Variants in TGFA observed in about 807,000 individuals in gnomAD.
TGFA encodes protransforming growth factor alpha.
TGFA carries 12 observed loss-of-function variants against 21.7 expected under a neutral mutation model. That is an observed-to-expected ratio of 0.55 (90% CI 0.35 to 0.90). The LOEUF (loss-of-function observed/expected upper bound fraction) is 0.90, where lower values mean the gene tolerates loss of function less well. TGFA is among the 40% of genes least tolerant of loss of function. TGFA has a pLI of 0.01. For synonymous variants in TGFA, 79 were observed against 88.1 expected (o/e 0.90, Z 0.58); for missense variants, 178 against 210.8 (o/e 0.84, Z 0.96).
In TGFA at chr2:70,513,034, C is replaced by T. The variant is rs182219457; in HGVS notation, c.94+1825G>A. Among the ~76,000 whole-genome samples, 3 of 152,314 alleles carry T rather than the reference C, an allele frequency of 2.0e-5. No individual in the cohort carries two copies. The East Asian group carries it at 5.8e-4, about 29-fold the overall frequency. Reference sequence around the variant, plus strand: ...CTGGCTTAATCTCAAGGCCTTTATACCTCAGTTCTACCCAATTTGGCTTAG... The same window carrying T: ...CTGGCTTAATCTCAAGGCCTTTATATCTCAGTTCTACCCAATTTGGCTTAG... On this transcript the variant is annotated intron_variant, in intron 2 of 5. Coordinates refer to ENST00000295400, the MANE Select transcript of TGFA (RefSeq NM_003236.4).
At chr2:70,538,398 TGGGTCTG>T (rs1673036412) in intron 1 of TGFA, among the ~76,000 whole-genome samples, 1 of 152,230 alleles carries the variant, frequency 6.6e-6, no homozygotes, top group South Asian at 2.1e-4. Flanking sequence ...ATTCTGCTGA[TGGGTCTG>T]GGTAAAGTAA....
At chr2:70,451,867 C>A in intron 5 of TGFA, 1 of 652,180 alleles carries the variant, frequency 1.5e-6, no homozygotes, top group Admixed American at 2.7e-5. Context: ...CTCAGTTTAC[C>A]CACATCGCTC....
intron 1 of TGFA, among the ~76,000 whole-genome samples, chr2:70,516,725 TG>T (rs2103860503): frequency 6.6e-6 from 1 of 152,274 alleles, no homozygotes; most frequent in African/African-American, 2.4e-5. Flanking sequence ...CCCTTGAAGC[TG>T]GGGAACAGTC....
chr2:70,478,340 G>T (rs1262096129), intron 2 of TGFA, among the ~76,000 whole-genome samples: 1 of 152,184 alleles, frequency 6.6e-6, no homozygotes, highest in Non-Finnish European at 1.5e-5. Flanking sequence ...CAAATATACT[G>T]CATTCTCAAA....
intron 2 of TGFA, among the ~76,000 whole-genome samples, chr2:70,511,035 G>A (rs1350075986): frequency 6.6e-6 from 1 of 152,112 alleles, no homozygotes; most frequent in African/African-American, 2.4e-5. Flanking sequence ...ATGCTCTTTT[G>A]AGCCCATTTA....
At chr2:70,526,638 C>T (rs1223068073) in intron 1 of TGFA, among the ~76,000 whole-genome samples, 1 of 152,130 alleles carries the variant, frequency 6.6e-6, no homozygotes, top group African/African-American at 2.4e-5. Flanking sequence ...TAAAGGAAAA[C>T]AAAAATCCCG....
chr2:70,516,348 G>C (rs1672277930), intron 1 of TGFA, among the ~76,000 whole-genome samples: 1 of 152,212 alleles, frequency 6.6e-6, no homozygotes, highest in Non-Finnish European at 1.5e-5. Flanking sequence ...TGTAGACACA[G>C]AAGTCCTGAC....
intron 2 of TGFA, 84 bp from the exon 3 acceptor site, chr2:70,465,820 G>A: frequency 2.5e-6 from 4 of 1,571,584 alleles, no homozygotes; most frequent in Non-Finnish European, 3.5e-6. Flanking sequence ...AGTCAAGAAG[G>A]TGGAGCCCCT....
chr2:70,525,717 T>G (rs1553502890), intron 1 of TGFA, among the ~76,000 whole-genome samples: 1 of 151,952 alleles, frequency 6.6e-6, no homozygotes, highest in Non-Finnish European at 1.5e-5. Flanking sequence ...GTACTCAGAT[T>G]TACTCCCTTT....
chr2:70,512,392 C>T (rs1040976654), intron 2 of TGFA, among the ~76,000 whole-genome samples: 5 of 152,168 alleles, frequency 3.3e-5, no homozygotes, highest in Non-Finnish European at 5.9e-5. Flanking sequence ...GCAGCCAACC[C>T]GGGGGGCTTG....
At chr2:70,486,486 C>CTT (rs61448010) in intron 2 of TGFA, among the ~76,000 whole-genome samples, 1 of 151,250 alleles carries the variant, frequency 6.6e-6, no homozygotes, top group African/African-American at 2.4e-5. Flanking sequence ...TGTTGTTTGT[C>CTT]TTTTTTTTTG....
rs560971084 is a variant in TGFA at position 70,520,220 on chromosome 2, A to C, written c.41-5308T>G. 2.0e-5 allele frequency among the ~76,000 whole-genome samples: 3 copies of C among 152,286 alleles called. No homozygotes were observed. In the East Asian group the frequency reaches 5.8e-4, roughly 29 times the overall value. On this transcript the variant is annotated intron_variant, in intron 1 of 5. Transcript: ENST00000295400. ...GGAAATCACTAAGGGAACTTCAACG[A>C]AGGGTTTTACTTGAGGCCCCGGGGT...
intron 1 of TGFA, among the ~76,000 whole-genome samples, chr2:70,526,415 A>C (rs1553502995): frequency 6.6e-6 from 1 of 152,176 alleles, no homozygotes; most frequent in Non-Finnish European, 1.5e-5. Flanking sequence ...CCAGATTTTA[A>C]GGCCCCTAAT....
intron 3 of TGFA, 41 bp from the exon 4 acceptor site, chr2:70,456,529 G>T: frequency 6.4e-7 from 1 of 1,564,112 alleles, no homozygotes; most frequent in Non-Finnish European, 8.7e-7. Context: ...CCTGACAAAA[G>T]GTCTTGTTAC....
chr2:70,471,117 C>A (rs568340807), intron 2 of TGFA, among the ~76,000 whole-genome samples: 249 of 143,482 alleles, frequency 1.7e-3, no homozygotes, highest in African/African-American at 6.0e-3. Context: ...GCACCCCCCC[C>A]ACCATATAAC....
At chr2:70,517,588 T>A (rs896343363) in intron 1 of TGFA, among the ~76,000 whole-genome samples, 4 of 152,192 alleles carry the variant, frequency 2.6e-5, no homozygotes, top group Admixed American at 1.3e-4. Flanking sequence ...TGCCCAGTCA[T>A]AGAGATGAAG....
At position 70,508,480 on chromosome 2, in the gene TGFA, G is replaced by A. The variant is rs530922236; in HGVS notation, c.94+6379C>T. Among the ~76,000 whole-genome samples the A allele has an allele frequency of 5.3e-5, 8 of 151,728 alleles. No individual in the cohort carries two copies. In the South Asian group the frequency reaches 1.5e-3, roughly 28 times the overall value. On this transcript the variant is annotated intron_variant, in intron 2 of 5. Coordinates refer to ENST00000295400, the MANE Select transcript of TGFA (RefSeq NM_003236.4). ...AAACAAAAAACTAGGGAGGTGAAGG[G>A]GGGGAATGTTATAGGTCTAGAAAGA...
chr2:70,516,364 A>G (rs782581827), intron 1 of TGFA, among the ~76,000 whole-genome samples: 8 of 152,176 alleles, frequency 5.3e-5, no homozygotes, highest in Non-Finnish European at 1.2e-4. Context: ...CTGACTCTCA[A>G]AGAACAAAAC....
intron 1 of TGFA, among the ~76,000 whole-genome samples, chr2:70,522,677 CA>C (rs1331196610): frequency 6.6e-6 from 1 of 152,150 alleles, no homozygotes; most frequent in Non-Finnish European, 1.5e-5. Flanking sequence ...TTAAGTGATC[CA>C]CCTGCCTCGA....
Sources: gnomAD v4.1 joint callset for allele counts (sites outside exome capture counted in the v4.1 genomes callset) on GRCh38, gnomAD v4.1.1 for gene constraint, MANE v1.5 for transcripts, NCBI Gene and HGNC (gene_info 2026-07-23, HGNC 2026-07-21) for gene names.